Variants in TRMT11 observed in about 807,000 individuals in gnomAD.
The protein encoded by TRMT11 is tRNA methyltransferase 11, also known as tRNA (guanine(10)-N(2))-methyltransferase TRMT11.
A neutral mutation model predicts 62.8 loss-of-function variants in TRMT11; 53 were observed. The observed-to-expected ratio is 0.84, with a 90% CI of 0.68 to 1.06. The LOEUF (loss-of-function observed/expected upper bound fraction) is 1.06, where lower values mean the gene tolerates loss of function less well. Among genes scored for constraint, TRMT11 ranks in the 50% least tolerant of loss-of-function variants. The pLI, the probability that TRMT11 is intolerant of heterozygous loss-of-function variation, is 0.00. For synonymous variants in TRMT11, 188 were observed against 190.3 expected (o/e 0.99, Z 0.10); for missense variants, 556 against 553.4 (o/e 1.00, Z -0.05).
intron 17 of TRMT11, among the ~76,000 whole-genome samples, chr6:126,092,848 A>G (rs1583872768): frequency 2.6e-5 from 4 of 152,342 alleles, no homozygotes; most frequent in South Asian, 4.1e-4. Flanking sequence ...ATTATCACCA[A>G]TAAGTAAATG....
At chr6:126,076,766 C>T (rs947530266) in intron 17 of TRMT11, among the ~76,000 whole-genome samples, 2 of 152,148 alleles carry the variant, frequency 1.3e-5, no homozygotes, top group African/African-American at 4.8e-5. Flanking sequence ...TCTCTCCTAA[C>T]CCTAGTTCAA....
intron 19 of TRMT11, among the ~76,000 whole-genome samples, chr6:126,115,020 G>A (rs868796679): frequency 1.3e-5 from 2 of 152,062 alleles, no homozygotes; most frequent in South Asian, 4.2e-4. Flanking sequence ...TCTACCCTTT[G>A]CATTCTCACC....
intron 1 of TRMT11, among the ~76,000 whole-genome samples, chr6:126,198,234 T>C (rs1332257154): frequency 6.6e-6 from 1 of 152,098 alleles, no homozygotes; most frequent in Non-Finnish European, 1.5e-5. Flanking sequence ...CTAACACTGG[T>C]GTGGTACTTC....
At chr6:126,208,114 T>C (rs1228054142), downstream of TRMT11, among the ~76,000 whole-genome samples, 3 of 152,222 alleles carry the variant, frequency 2.0e-5, no homozygotes, top group Admixed American at 6.5e-5. Flanking sequence ...ATCTCAATCC[T>C]AACAGGAAGG....
chr6:126,058,337 T>C (rs1235250803), intron 17 of TRMT11, among the ~76,000 whole-genome samples: 1 of 152,250 alleles, frequency 6.6e-6, no homozygotes, highest in African/African-American at 2.4e-5. Flanking sequence ...CGCCATATTT[T>C]CTTTATCCAG....
chr6:126,156,609 C>T (rs934964007), intron 21 of TRMT11, among the ~76,000 whole-genome samples: 12 of 152,164 alleles, frequency 7.9e-5, no homozygotes, highest in African/African-American at 2.9e-4. Flanking sequence ...TTAAATGGCT[C>T]ATGATTCTGC....
At chr6:126,038,319 C>G (rs1027069628) in intron 12 of TRMT11, among the ~76,000 whole-genome samples, 2 of 151,458 alleles carry the variant, frequency 1.3e-5, no homozygotes, top group Non-Finnish European at 2.9e-5. Flanking sequence ...GTAGAAGCTT[C>G]CTTGTTTAGT....
intron 17 of TRMT11, among the ~76,000 whole-genome samples, chr6:126,110,673 T>G (rs1777521170): frequency 6.6e-6 from 1 of 152,130 alleles, no homozygotes; most frequent in South Asian, 2.1e-4. Flanking sequence ...TAGAAACATG[T>G]GCGTGTGTGT....
intron 17 of TRMT11, among the ~76,000 whole-genome samples, chr6:126,060,290 TG>T (rs1776494829): frequency 6.6e-6 from 1 of 152,260 alleles, no homozygotes; most frequent in African/African-American, 2.4e-5. Context: ...CATTGAGGAT[TG>T]TTTTCTCGTA....
At chr6:126,040,043 A>G (rs963777688), downstream of TRMT11, among the ~76,000 whole-genome samples, 3 of 152,086 alleles carry the variant, frequency 2.0e-5, no homozygotes, top group African/African-American at 7.2e-5. Flanking sequence ...GGAAATCTAA[A>G]AGTATTCAAG....
rs1373548293 is a variant in TRMT11, at chr6:126,112,293, A to G, written c.*1438-573A>G. ...ATAAACTCCCAACTCAGTCAGCAAC[A>G]CTGTGCTAACATCTACTAGGAATGG... On this transcript the variant is annotated intron_variant and NMD_transcript_variant, in intron 17 of 22. Coordinates refer to the TRMT11 transcript ENST00000648977. Among the ~76,000 whole-genome samples, 3 of 152,160 alleles carry G rather than the reference A, an allele frequency of 2.0e-5. No homozygotes were observed. The East Asian group carries it at 5.8e-4, about 29-fold the overall frequency.
chr6:126,145,413 TA>T lies in TRMT11; in HGVS notation c.*1824-29411del, dbSNP rs375062153. Among the ~76,000 whole-genome samples the T allele has an allele frequency of 6.5e-3, 996 of 152,314 alleles. 7 individuals are homozygous for T. The highest frequency in any genetic ancestry group is 0.01 in the Non-Finnish European group (705 of 68,024). On this transcript the variant is annotated intron_variant and NMD_transcript_variant, in intron 21 of 22. Transcript: ENST00000648977. Reference sequence around the variant, plus strand: ...AAAAGAACGACAGAGAACGCTGGACTAGCAGGTTGGGAGTAGTCTTAAGAGA... The same window carrying T: ...AAAAGAACGACAGAGAACGCTGGACTGCAGGTTGGGAGTAGTCTTAAGAGA...
the TRMT11 span, chr6:126,257,841 G>A: frequency 6.7e-6 from 7 of 1,051,892 alleles, no homozygotes; most frequent in East Asian, 1.8e-4. Flanking sequence ...CTGGCCACAG[G>A]GTCCGCTGGT....
chr6:126,190,982 T>C (rs1295556780), intron 1 of TRMT11, among the ~76,000 whole-genome samples: 2 of 152,152 alleles, frequency 1.3e-5, no homozygotes, highest in African/African-American at 2.4e-5. Flanking sequence ...CATAGGATAG[T>C]TCTATTTTTA....
intron 21 of TRMT11, among the ~76,000 whole-genome samples, chr6:126,167,409 T>C (rs1977511): frequency 0.3 from 46,246 of 152,040 alleles, 8,244 homozygotes; most frequent in African/African-American, 0.5. Flanking sequence ...AGGTGATGCC[T>C]CACCCTGCTT....
At chr6:126,201,391 C>T (rs1778733102) in intron 3 of TRMT11, among the ~76,000 whole-genome samples, 1 of 152,198 alleles carries the variant, frequency 6.6e-6, no homozygotes, top group Non-Finnish European at 1.5e-5. Flanking sequence ...TTATATGGAA[C>T]ACAATCTTTC....
intron 21 of TRMT11, among the ~76,000 whole-genome samples, chr6:126,155,991 G>C (rs1437993098): frequency 6.6e-6 from 1 of 152,128 alleles, no homozygotes; most frequent in Admixed American, 6.5e-5. Flanking sequence ...CTCCCAAAGT[G>C]CTGGGATTAC....
At chr6:126,091,876 T>C (rs577109208) in intron 17 of TRMT11, among the ~76,000 whole-genome samples, 3 of 152,312 alleles carry the variant, frequency 2.0e-5, no homozygotes, top group Admixed American at 1.3e-4. Flanking sequence ...CACATGGAAA[T>C]TCATTCAATT....
intron 17 of TRMT11, among the ~76,000 whole-genome samples, chr6:126,105,515 C>T (rs560758761): frequency 2.0e-5 from 3 of 151,954 alleles, no homozygotes; most frequent in Admixed American, 1.3e-4. Flanking sequence ...CCAGATGATG[C>T]GGGGTAGAGG....
Sources: gnomAD v4.1 joint callset for allele counts (sites outside exome capture counted in the v4.1 genomes callset) on GRCh38, gnomAD v4.1.1 for gene constraint, MANE v1.5 for transcripts, NCBI Gene and HGNC (gene_info 2026-07-23, HGNC 2026-07-21) for gene names.